Variants in ABCG1 observed in about 807,000 individuals in gnomAD.
ABCG1 encodes ATP-binding cassette sub-family G member 1.
In ABCG1, 29 loss-of-function variants were observed where a neutral mutation model predicts 69.2. The ratio of observed to expected loss-of-function variants is 0.42; its 90% confidence interval spans 0.31 to 0.57. The LOEUF (loss-of-function observed/expected upper bound fraction) is 0.57, where lower values mean the gene tolerates loss of function less well. ABCG1 is among the 20% of genes least tolerant of loss of function. ABCG1 has a pLI of 0.15. For synonymous variants in ABCG1, 370 were observed against 374.8 expected (o/e 0.99, Z 0.15); for missense variants, 718 against 898.1 (o/e 0.80, Z 2.56).
Position 42,281,379 on chromosome 21 carries a change from G to T in ABCG1, c.589-895G>T, listed in dbSNP as rs141623238. Among the ~76,000 whole-genome samples the T allele has an allele frequency of 5.2e-3, 785 of 152,326 alleles. 12 individuals carry two copies. The highest frequency in any genetic ancestry group is 0.018 in the African/African-American group (758 of 41,576). On this transcript the variant is annotated intron_variant, in intron 5 of 14. Transcript: ENST00000398449. ...GATGGCAGTGGCTGACCCAGGGCCTGCTTCTGAGATGATGCTGGGGCTGAA... is the reference window on the plus strand; with the variant it reads ...GATGGCAGTGGCTGACCCAGGGCCTTCTTCTGAGATGATGCTGGGGCTGAA...
chr21:42,235,831 C>G (rs562523612), intron 2 of ABCG1, among the ~76,000 whole-genome samples: 117 of 152,178 alleles, frequency 7.7e-4, no homozygotes, highest in Non-Finnish European at 4.7e-4. Flanking sequence ...TCAGACGGAC[C>G]GCCACTTCCC....
At chr21:42,283,168 C>A (rs535679958) in intron 6 of ABCG1, among the ~76,000 whole-genome samples, 1 of 152,330 alleles carries the variant, frequency 6.6e-6, no homozygotes, top group Admixed American at 6.5e-5. Context: ...CTCACCTCTC[C>A]AAAGTCCAGC....
At chr21:42,260,572 AC>A (rs1443085115) in intron 2 of ABCG1, among the ~76,000 whole-genome samples, 1 of 152,132 alleles carries the variant, frequency 6.6e-6, no homozygotes, top group Non-Finnish European at 1.5e-5. Context: ...CCAAACGCAC[AC>A]CAACTGGTGG....
At chr21:42,228,328 C>T (rs2067850334) in intron 2 of ABCG1, among the ~76,000 whole-genome samples, 1 of 152,122 alleles carries the variant, frequency 6.6e-6, no homozygotes, top group Non-Finnish European at 1.5e-5. Context: ...TGCTGTGTTC[C>T]AGCTGCTGGT....
In ABCG1 at chr21:42,276,258, C is replaced by A. The variant is rs1220186430; in HGVS notation, c.538-637C>A. 6.6e-6 allele frequency: 1 copy of A among 152,338 alleles called. No individual in the cohort carries two copies. The highest frequency in any genetic ancestry group is 1.9e-4 in the East Asian group (1 of 5,186). The allele number at this position is 152,338 out of a possible 1,614,324, so 9.4% of individuals were successfully genotyped here. ...AACGGGATCTCAAAAAACACAACAA[C>A]AACAAAACGCGGCATCCTGACGTGT... On this transcript the variant is annotated intron_variant, in intron 4 of 14. Transcript: ENST00000398449. The surrounding 1 kb of genome is among the most constrained non-coding windows in gnomAD (Gnocchi z 5.3).
chr21:42,219,440 G>A lies in ABCG1; in HGVS notation c.42+136G>A. The A allele has an allele frequency of 2.3e-6, 3 of 1,289,694 alleles. No individual in the cohort carries two copies. The South Asian group carries it at 4.3e-5, about 19-fold the overall frequency. The allele number at this position is 1,289,694 out of a possible 1,614,324, so 79.9% of individuals were successfully genotyped here. ...CTGGGCGCTGACCCAGGGCACCCTA[G>A]AGTGGCGCCCGGCTCCGATCGCTGC... On this transcript the variant is annotated intron_variant, in intron 1 of 14. Coordinates refer to ENST00000398449, the MANE Select transcript of ABCG1 (RefSeq NM_016818.3). The surrounding 1 kb of genome is among the most constrained non-coding windows in gnomAD (Gnocchi z 5.3).
rs550400310 is a variant in ABCG1, at chr21:42,285,693, C to T, written c.859-187C>T. ...CGTGCGATATTCTTCCCTGGCTTATCGTGGCTTTCCCTTCAGATGTTAATA... is the reference window on the plus strand; with the variant it reads ...CGTGCGATATTCTTCCCTGGCTTATTGTGGCTTTCCCTTCAGATGTTAATA... On this transcript the variant is annotated intron_variant, in intron 7 of 14. Coordinates refer to ENST00000398449, the MANE Select transcript of ABCG1 (RefSeq NM_016818.3). Among the ~76,000 whole-genome samples, 233 of 152,230 alleles carry T rather than the reference C, an allele frequency of 1.5e-3. 1 individual carries two copies. Among genetic ancestry groups the T allele is most frequent in the Admixed American group, 3.3e-3 (50 of 15,284 alleles).
At chr21:42,290,351 C>T (rs894489548) in intron 11 of ABCG1, 133 bp downstream of exon 11, 1 of 1,001,606 alleles carries the variant, frequency 1.0e-6, no homozygotes, top group Non-Finnish European at 1.4e-6. Flanking sequence ...ATATCATCTT[C>T]TTTGTTGACA....
At chr21:42,282,533 C>T (rs2068831941) in intron 6 of ABCG1, 114 bp downstream of exon 6, 1 of 1,293,188 alleles carries the variant, frequency 7.7e-7, no homozygotes, top group East Asian at 2.6e-5. Context: ...GTGAGTTGAG[C>T]TCACCCGGCG....
intron 2 of ABCG1, chr21:42,260,003 C>G: frequency 6.7e-7 from 1 of 1,484,372 alleles, no homozygotes; most frequent in Non-Finnish European, 9.1e-7. Context: ...GTGCGGCATC[C>G]TGCACGTGGT....
chr21:42,296,166 A>G lies in ABCG1; in HGVS notation c.1775A>G (p.Tyr592Cys). 6.2e-7 allele frequency: 1 copy of G among 1,613,394 alleles called. No individual in the cohort carries two copies. The highest frequency in any genetic ancestry group is 8.5e-7 in the Non-Finnish European group (1 of 1,179,552). The change falls in exon 15 of 15, where the codon TAT (tyrosine) becomes TGT (cysteine). Residue 592 changes from tyrosine to cysteine, a missense_variant and splice_region_variant. This residue lies in a region of ABCG1 where 204 missense variants were observed against 323.8 expected (regional missense o/e 0.63). Coordinates refer to ENST00000398449, the MANE Select transcript of ABCG1 (RefSeq NM_016818.3). This position sits in a 1 kb window ranked among gnomAD's most constrained non-coding sequence, Gnocchi z 5.4. The stretch of plus-strand genomic sequence containing the variant: ...TCATGCCTGGCCTTTCCTCCTAGGT[A>G]TGGGTTCGAAGGGGTCATCCTCTCC... The part of the protein sequence containing the change: ...QWMSYISYVR[Y>C]GFEGVILSIY...
At chr21:42,221,834 G>C (rs1182925633) in intron 1 of ABCG1, among the ~76,000 whole-genome samples, 1 of 152,148 alleles carries the variant, frequency 6.6e-6, no homozygotes, top group Non-Finnish European at 1.5e-5. Context: ...CTGTGTTCCT[G>C]GTGGAAATGG....
At chr21:42,203,628 A>G (rs1188557917) in intron 2 of ABCG1, among the ~76,000 whole-genome samples, 1 of 152,186 alleles carries the variant, frequency 6.6e-6, no homozygotes, top group Non-Finnish European at 1.5e-5. Flanking sequence ...CCTTTTGCCA[A>G]TAGCAAACAG....
In ABCG1 at chr21:42,206,383, T is replaced by TAAAC. The variant is rs149842586; in HGVS notation, c.48+4678_48+4681dup. On this transcript the variant is annotated intron_variant, in intron 2 of 15. Coordinates refer to the ABCG1 transcript ENST00000398457. ...ATAAATAAATAAATAAATAAATAAA[T>TAAAC]AAACAAACAAACAAACAAACACAAT... is the stretch of plus-strand genomic sequence containing the variant. Among the ~76,000 whole-genome samples the TAAAC allele has an allele frequency of 4.5e-3, 654 of 144,414 alleles. 1 individual carries two copies. Among genetic ancestry groups the TAAAC allele is most frequent in the African/African-American group, 5.6e-3 (210 of 37,658 alleles). 94.7% of individuals were successfully genotyped at this position (144,414 alleles called of 152,430 possible).
chr21:42,210,797 G>A (rs2067581065), intron 2 of ABCG1, among the ~76,000 whole-genome samples: 1 of 152,058 alleles, frequency 6.6e-6, no homozygotes. Context: ...CCCACAGGCT[G>A]TGTGTGCTTG....
chr21:42,228,874 T>C (rs2067858954), intron 2 of ABCG1, among the ~76,000 whole-genome samples: 1 of 152,236 alleles, frequency 6.6e-6, no homozygotes, highest in Non-Finnish European at 1.5e-5. Context: ...GGCTCCAAAC[T>C]TGGGTACCAT....
At position 42,273,166 on chromosome 21, in the gene ABCG1, G is replaced by A. The variant is rs1023525931; in HGVS notation, c.405-137G>A. The A allele has an allele frequency of 3.2e-5, 39 of 1,221,054 alleles. No homozygotes were observed. The Admixed American group carries it at 3.9e-4, about 12-fold the overall frequency. The allele number at this position is 1,221,054 out of a possible 1,614,324, so 75.6% of individuals were successfully genotyped here. ...GAGGTCCGGTCCCTTTCTGCCCCTC[G>A]GGGTCCCCGTGGCCAGTGGTTCAGC... On this transcript the variant is annotated intron_variant, in intron 3 of 14. Coordinates refer to ENST00000398449, the MANE Select transcript of ABCG1 (RefSeq NM_016818.3). This position sits in a 1 kb window ranked among gnomAD's most constrained non-coding sequence, Gnocchi z 5.3.
intron 1 of ABCG1, among the ~76,000 whole-genome samples, chr21:42,222,893 T>G (rs1392328284): frequency 6.6e-6 from 1 of 152,168 alleles, no homozygotes; most frequent in African/African-American, 2.4e-5. Flanking sequence ...AGTCACCCAG[T>G]TTTATCCTCC....
At chr21:42,263,664 G>T (rs374471041) in intron 2 of ABCG1, among the ~76,000 whole-genome samples, 79 of 152,304 alleles carry the variant, frequency 5.2e-4, no homozygotes, top group African/African-American at 1.8e-3. Flanking sequence ...TCGCCCACTT[G>T]GGGAGGGGTT....
Sources: gnomAD v4.1 joint callset for allele counts (sites outside exome capture counted in the v4.1 genomes callset) on GRCh38, gnomAD v4.1.1 for gene constraint, gnomAD v4.1.1 regional missense constraint, Gnocchi (gnomAD v3.1) non-coding constraint, MANE v1.5 for transcripts, NCBI Gene and HGNC (gene_info 2026-07-23, HGNC 2026-07-21) for gene names.